Variants in WRN observed in about 807,000 individuals in gnomAD.
WRN encodes bifunctional 3'-5' exonuclease/ATP-dependent helicase WRN.
In WRN, 149 loss-of-function variants were observed where a neutral mutation model predicts 180.7. The observed-to-expected ratio is 0.82, with a 90% CI of 0.72 to 0.94. The LOEUF (loss-of-function observed/expected upper bound fraction) is 0.94, where lower values mean the gene tolerates loss of function less well. Ranked by LOEUF, WRN falls within the 40% of genes least tolerant of loss-of-function variation. The pLI is 0.00. For missense variants in WRN, 1,661 were observed against 1,700.1 expected (o/e 0.98, Z 0.40); for synonymous variants, 548 against 568.9 (o/e 0.96, Z 0.52).
In WRN at chr8:31,142,496, T is replaced by C. The variant is rs2725364; in HGVS notation, c.3234-130T>C. On this transcript the variant is annotated intron_variant, in intron 26 of 34. Transcript: ENST00000298139. The stretch of plus-strand genomic sequence containing the variant: ...CCAGAGCTTTTTCTAGAAAAAAAAA[T>C]CAGTTTTAAGAATCACCAGTTCTAA... 0.36 allele frequency: 229,764 copies of C among 629,734 alleles called. 45,093 individuals carry two copies. Among genetic ancestry groups the C allele is most frequent in the East Asian group, 0.59 (17,519 of 29,724 alleles). The allele number at this position is 629,734 out of a possible 1,614,324, so 39.0% of individuals were successfully genotyped here.
At chr8:31,080,740 C>T in intron 8 of WRN, 127 bp from the exon 9 acceptor site, 1 of 785,250 alleles carries the variant, frequency 1.3e-6, no homozygotes, top group Non-Finnish European at 2.0e-6. Context: ...GAAGAACAGC[C>T]TTAATACTAT....
At chr8:31,159,126 C>G (rs999775902) in intron 33 of WRN, among the ~76,000 whole-genome samples, 1 of 151,724 alleles carries the variant, frequency 6.6e-6, no homozygotes, top group African/African-American at 2.4e-5. Context: ...TAGTGTGACC[C>G]CCATCTCTAC....
At chr8:31,068,633 C>T (rs1056549487) in intron 7 of WRN, among the ~76,000 whole-genome samples, 1 of 152,294 alleles carries the variant, frequency 6.6e-6, no homozygotes, top group Admixed American at 6.5e-5. Flanking sequence ...GGAGATTATA[C>T]ATCCTTGCTA....
chr8:31,065,951 T>C (rs900314796), intron 5 of WRN, among the ~76,000 whole-genome samples: 1 of 150,512 alleles, frequency 6.6e-6, no homozygotes, highest in Admixed American at 6.6e-5. Flanking sequence ...TGATCTCAGC[T>C]CACTGCAACC....
At chr8:31,083,547 A>G in intron 9 of WRN, 152 bp from the exon 10 acceptor site, 1 of 382,922 alleles carries the variant, frequency 2.6e-6, no homozygotes, top group Non-Finnish European at 4.8e-6. Context: ...TCCCTTTTTT[A>G]TCTATCATAT....
intron 33 of WRN, among the ~76,000 whole-genome samples, chr8:31,166,152 A>G (rs1429458212): frequency 6.6e-6 from 1 of 152,184 alleles, no homozygotes; most frequent in Non-Finnish European, 1.5e-5. Flanking sequence ...AACAATTTAA[A>G]GAACGTCTTT....
intron 1 of WRN, among the ~76,000 whole-genome samples, chr8:31,038,178 G>GT (rs895943192): frequency 2.6e-5 from 4 of 151,954 alleles, no homozygotes; most frequent in African/African-American, 9.7e-5. Flanking sequence ...TGCTAAAACT[G>GT]TTTTTCCATG....
intron 4 of WRN, 62 bp downstream of exon 4, chr8:31,064,496 T>G: frequency 6.2e-7 from 1 of 1,607,410 alleles, no homozygotes; most frequent in Non-Finnish European, 8.5e-7. Flanking sequence ...ACTTTATCCC[T>G]ATAAAATTAA....
chr8:31,116,387 C>T lies in WRN; in HGVS notation c.2307C>T (p.Ile769=), dbSNP rs538573677. The change falls in exon 20 of 35, where the codon ATC becomes ATT. Residue 769 remains isoleucine, a synonymous_variant. Coordinates refer to ENST00000298139, the MANE Select transcript of WRN (RefSeq NM_000553.6). ...GGGAATTTGAAGGTCCAACAATCAT[C>T]TACTGTCCTTCTAGAAAAATGACAC... The part of the protein sequence containing the change: ...SHWEFEGPTI[I]YCPSRKMTQQ... The T allele has an allele frequency of 9.3e-6, 15 of 1,613,988 alleles. No individual in the cohort carries two copies. In the South Asian group the frequency reaches 1.6e-4, roughly 18 times the overall value.
At chr8:31,056,734 T>G (rs1474048319) in intron 1 of WRN, among the ~76,000 whole-genome samples, 1 of 152,024 alleles carries the variant, frequency 6.6e-6, no homozygotes, top group Non-Finnish European at 1.5e-5. Flanking sequence ...GACTCCTGTA[T>G]TATTAATTAT....
intron 19 of WRN, among the ~76,000 whole-genome samples, chr8:31,113,136 G>A (rs1459211156): frequency 1.3e-5 from 2 of 149,828 alleles, no homozygotes; most frequent in African/African-American, 4.9e-5. Flanking sequence ...AGCCCAGGAT[G>A]TTGGGGCTGC....
chr8:31,170,563 C>T (rs1357729966), intron 34 of WRN, among the ~76,000 whole-genome samples: 3 of 152,106 alleles, frequency 2.0e-5, no homozygotes, highest in Non-Finnish European at 4.4e-5. Flanking sequence ...ATGTAACTTA[C>T]ATATTTCTGT....
chr8:31,107,128 T>G (rs1585465278), intron 18 of WRN, among the ~76,000 whole-genome samples: 1 of 152,142 alleles, frequency 6.6e-6, no homozygotes, highest in East Asian at 1.9e-4. Context: ...TAGCACCAAA[T>G]GAAATATGGT....
At position 31,167,108 on chromosome 8, in the gene WRN, C is replaced by T; in HGVS notation, c.4069C>T (p.His1357Tyr). ...LIHMAIEILK[H>Y]GPDSGLQPSC... ...CCACATGGCAATTGAGATCCTTAAA[C>T]ATGGTCCTGACAGCGGACTTCAACC... is the stretch of plus-strand genomic sequence containing the variant. Residue 1357 changes from histidine (H) to tyrosine (Y), a missense_variant, in exon 34 of 35, where the codon CAT becomes TAT. Physicochemically the swap from His to Tyr is moderately conservative, Grantham distance 83 (BLOSUM62 2). Coordinates refer to ENST00000298139, the MANE Select transcript of WRN (RefSeq NM_000553.6). 1 of 1,613,416 alleles carries T rather than the reference C, an allele frequency of 6.2e-7. No homozygotes were observed. Among genetic ancestry groups the T allele is most frequent in the South Asian group, 1.1e-5 (1 of 91,058 alleles).
At position 31,090,223 on chromosome 8, in the gene WRN, G is replaced by GT. The variant is rs575102086; in HGVS notation, c.1653-236dup. Among the ~76,000 whole-genome samples, 479 of 150,088 alleles carry GT rather than the reference G, an allele frequency of 3.2e-3. 3 individuals carry two copies. The highest frequency in any genetic ancestry group is 0.011 in the African/African-American group (448 of 40,876). On this transcript the variant is annotated intron_variant, in intron 13 of 34. Transcript: ENST00000298139. The stretch of plus-strand genomic sequence containing the variant: ...ATATCTAGTATGAAGCTTAGAATCT[G>GT]TTTTTTACTTTAGATGTATGTAGTG...
chr8:31,140,110 A>G (rs1802563205), intron 24 of WRN, among the ~76,000 whole-genome samples: 1 of 134,404 alleles, frequency 7.4e-6, no homozygotes, highest in Non-Finnish European at 1.5e-5. Flanking sequence ...TGATCTCCTG[A>G]GCTCAAACGA....
intron 33 of WRN, among the ~76,000 whole-genome samples, chr8:31,161,083 G>A (rs183476429): frequency 4.0e-5 from 6 of 148,782 alleles, no homozygotes; most frequent in Admixed American, 3.4e-4. Context: ...TTTATATCCT[G>A]AAACTTACAG....
intron 16 of WRN, among the ~76,000 whole-genome samples, chr8:31,094,087 A>G (rs1813862244): frequency 6.6e-6 from 1 of 152,198 alleles, no homozygotes. Flanking sequence ...TTGTATGGAC[A>G]TATGTTTTCA....
In WRN at chr8:31,154,677, A is replaced by T; in HGVS notation, c.3741A>T (p.Val1247=). ...AAGAAGAACAGAAGACGAGTCTGGT[A>T]GCAAAAAATAAAATATGCACACTTT... ...KPQEEQKTSL[V]AKNKICTLSQ... The change falls in exon 32 of 35, where the codon GTA becomes GTT. Residue 1247 remains valine, a synonymous_variant. Transcript: ENST00000298139. 6.2e-7 allele frequency: 1 copy of T among 1,613,678 alleles called. No homozygotes were observed. The highest frequency in any genetic ancestry group is 8.5e-7 in the Non-Finnish European group (1 of 1,179,742).
Sources: gnomAD v4.1 joint callset for allele counts (sites outside exome capture counted in the v4.1 genomes callset) on GRCh38, gnomAD v4.1.1 for gene constraint, MANE v1.5 for transcripts, NCBI Gene and HGNC (gene_info 2026-07-23, HGNC 2026-07-21) for gene names.